KCNH6: variants seen among roughly 807,000 people sequenced by gnomAD.
KCNH6 encodes potassium voltage-gated channel subfamily H member 6.
KCNH6 carries 81 observed loss-of-function variants against 83.4 expected under a neutral mutation model. That is an observed-to-expected ratio of 0.97 (90% CI 0.81 to 1.17). The LOEUF (loss-of-function observed/expected upper bound fraction) is 1.17, where lower values mean the gene tolerates loss of function less well. Among genes scored for constraint, KCNH6 ranks in the 50% most tolerant of loss-of-function variants. The pLI, the probability that KCNH6 is intolerant of heterozygous loss-of-function variation, is 0.00. For missense variants in KCNH6, 1,203 were observed against 1,290.5 expected (o/e 0.93, Z 1.04); for synonymous variants, 503 against 545.6 (o/e 0.92, Z 1.09).
chr17:63,542,299 T>G lies in KCNH6; in HGVS notation c.2013T>G (p.Ser671Arg), dbSNP rs886626448. 1.9e-6 allele frequency: 3 copies of G among 1,614,058 alleles called. No homozygotes were observed. The highest frequency in any genetic ancestry group is 3.3e-5 in the Admixed American group (2 of 60,016). ...TCCATGCCCAGCCAGGCAAGTCCAGTGCAGACGTGCGGGCTCTGACCTACT... is the reference window on the plus strand; with the variant it reads ...TCCATGCCCAGCCAGGCAAGTCCAGGGCAGACGTGCGGGCTCTGACCTACT... ...VSLHAQPGKS[S>R]ADVRALTYCD... Residue 671 changes from serine (S) to arginine (R), a missense_variant, in exon 9 of 13, where the codon AGT (serine) becomes AGG (arginine). By Grantham distance (110) the Ser-to-Arg change is moderately radical. Coordinates refer to ENST00000314672, the MANE Select transcript of KCNH6 (RefSeq NM_001278919.2).
At chr17:63,540,472 A>G (rs1428975408) in intron 8 of KCNH6, among the ~76,000 whole-genome samples, 1 of 151,970 alleles carries the variant, frequency 6.6e-6, no homozygotes, top group Non-Finnish European at 1.5e-5. Flanking sequence ...GATGATTATT[A>G]TTATTAATAA....
rs140973215 is a variant in KCNH6 at position 63,536,990 on chromosome 17, A to T, written c.1501+922A>T. Reference sequence around the variant, plus strand: ...AAAAAAAAAAAAAGAATTTTTCGACAGTGACAGCAGAGTATTAAACCAAAT... The same window carrying T: ...AAAAAAAAAAAAAGAATTTTTCGACTGTGACAGCAGAGTATTAAACCAAAT... On this transcript the variant is annotated intron_variant, in intron 6 of 12. Transcript: ENST00000314672. Among the ~76,000 whole-genome samples the T allele has an allele frequency of 4.8e-3, 717 of 148,814 alleles. 5 individuals carry two copies. Among genetic ancestry groups the T allele is most frequent in the African/African-American group, 0.017 (672 of 40,340 alleles).
At position 63,539,541 on chromosome 17, in the gene KCNH6, T is replaced by C. The variant is rs527952811; in HGVS notation, c.1954+879T>C. On this transcript the variant is annotated intron_variant, in intron 8 of 12. Coordinates refer to ENST00000314672, the MANE Select transcript of KCNH6 (RefSeq NM_001278919.2). Reference sequence around the variant, plus strand: ...CTAGTATTCTATGAACAGATCAAACTCAATGTATCCCAACCTGAAATCACC... The same window carrying C: ...CTAGTATTCTATGAACAGATCAAACCCAATGTATCCCAACCTGAAATCACC... Among the ~76,000 whole-genome samples, 5 of 152,300 alleles carry C rather than the reference T, an allele frequency of 3.3e-5. No individual in the cohort carries two copies. The East Asian group carries it at 9.6e-4, about 29-fold the overall frequency.
intron 12 of KCNH6, 114 bp downstream of exon 12, chr17:63,545,378 C>T: frequency 8.5e-7 from 1 of 1,170,482 alleles, no homozygotes; most frequent in Non-Finnish European, 1.2e-6. Context: ...CCCAGAGCAG[C>T]CAGGGCTTCT....
At position 63,533,432 on chromosome 17, in the gene KCNH6, G is replaced by A. The variant is rs1317246869; in HGVS notation, c.676-454G>A. ...CCTCAGAAAGGAAGACATTCTTCTA[G>A]GGGTGACCTGTTCCCATCAGGAACC... On this transcript the variant is annotated intron_variant, in intron 4 of 12. Transcript: ENST00000314672. This position sits in a 1 kb window ranked among gnomAD's most constrained non-coding sequence, Gnocchi z 4.1. 4.6e-5 allele frequency among the ~76,000 whole-genome samples: 7 copies of A among 152,016 alleles called. No individual in the cohort carries two copies. The highest frequency in any genetic ancestry group is 1.0e-4 in the Non-Finnish European group (7 of 67,974).
chr17:63,538,469 A>G lies in KCNH6; in HGVS notation c.1761A>G (p.Ala587=). The change falls in exon 8 of 13, where the codon GCA becomes GCG. Residue 587 remains alanine, a synonymous_variant. Transcript: ENST00000314672. This position sits in a 1 kb window ranked among gnomAD's most constrained non-coding sequence, Gnocchi z 4.0. ...ACATCTGCCTGCACCTGCACCGCGC[A>G]CTGCTGCAGCACTGCCCAGCTTTCA... The part of the protein sequence containing the change: ...QADICLHLHR[A]LLQHCPAFSG... 2 of 1,604,632 alleles carry G rather than the reference A, an allele frequency of 1.2e-6. No homozygotes were observed. The highest frequency in any genetic ancestry group is 1.7e-6 in the Non-Finnish European group (2 of 1,176,168).
In KCNH6 at chr17:63,534,565, C is replaced by CTGGTAAGAGGAG. The variant is rs1192136827; in HGVS notation, c.1101+254_1101+255insTGGTAAGAGGAG. ...AGGCCCTGGTAAGAGGAGCAGGCTGCCCCTTCCAGGATGGGCACTCGTGTG... is the reference window on the plus strand; with the variant it reads ...AGGCCCTGGTAAGAGGAGCAGGCTGCTGGTAAGAGGAGCCCTTCCAGGATGGGCACTCGTGTG... On this transcript the variant is annotated intron_variant, in intron 5 of 12. Coordinates refer to ENST00000314672, the MANE Select transcript of KCNH6 (RefSeq NM_001278919.2). The surrounding 1 kb of genome is among the most constrained non-coding windows in gnomAD (Gnocchi z 5.0). Among the ~76,000 whole-genome samples the CTGGTAAGAGGAG allele has an allele frequency of 5.9e-5, 9 of 152,108 alleles. No individual in the cohort carries two copies. Among genetic ancestry groups the CTGGTAAGAGGAG allele is most frequent in the Non-Finnish European group, 8.8e-5 (6 of 68,006 alleles).
At chr17:63,543,766 G>C in intron 10 of KCNH6, 106 bp downstream of exon 10, 3 of 735,832 alleles carry the variant, frequency 4.1e-6, no homozygotes, top group East Asian at 5.0e-5. Flanking sequence ...CCCACTCCAT[G>C]AGTGGAGAGG....
At chr17:63,547,477 CGATTT>C (rs1167487423), downstream of KCNH6, among the ~76,000 whole-genome samples, 3 of 574 alleles carry the variant, frequency 5.2e-3, no homozygotes, top group Non-Finnish European at 0.011. Flanking sequence ...CAAATAGCAG[CGATTT>C]GAGAGCCACC....
At chr17:63,544,925 G>A (rs990834357) in intron 11 of KCNH6, among the ~76,000 whole-genome samples, 153 bp from the exon 12 acceptor site, 2 of 152,126 alleles carry the variant, frequency 1.3e-5, no homozygotes, top group East Asian at 3.8e-4. Context: ...ATTCTGGGCC[G>A]GGGCTGTGGA....
In KCNH6 at chr17:63,545,819, G is replaced by A; in HGVS notation, c.2794G>A (p.Glu932Lys). 6.2e-7 allele frequency: 1 copy of A among 1,614,072 alleles called. No individual in the cohort carries two copies. The highest frequency in any genetic ancestry group is 8.5e-7 in the Non-Finnish European group (1 of 1,180,010). Reference sequence around the variant, plus strand: ...TGGTCCCTGCTTCTCCTCCCTCCCTGAACACCTTGGCTCTGTTCCCAAGCA... The same window carrying A: ...TGGTCCCTGCTTCTCCTCCCTCCCTAAACACCTTGGCTCTGTTCCCAAGCA... The part of the protein sequence containing the change: ...ICGPCFSSLP[E>K]HLGSVPKQLD... The change falls in exon 13 of 13, where the codon GAA becomes AAA. Residue 932 changes from glutamate to lysine, a missense_variant. Glu to Lys is a moderately conservative substitution (Grantham distance 56). Coordinates refer to ENST00000314672, the MANE Select transcript of KCNH6 (RefSeq NM_001278919.2).
chr17:63,532,748 T>C (rs562845443), intron 4 of KCNH6, among the ~76,000 whole-genome samples: 149 of 152,242 alleles, frequency 9.8e-4, no homozygotes, highest in African/African-American at 3.3e-3. Context: ...ATCAGAACTA[T>C]CCACCAGATC....
In KCNH6 at chr17:63,534,198, G is replaced by A; in HGVS notation, c.988G>A (p.Val330Met). ...CACCTATGTCAACACCAATGATGAG[G>A]TGGTCAGCCACCCCCGCCGCATCGC... ...RTTYVNTNDE[V>M]VSHPRRIAVH... Residue 330 changes from valine to methionine, a missense_variant, in exon 5 of 13, where the codon GTG (valine) becomes ATG (methionine). Coordinates refer to ENST00000314672, the MANE Select transcript of KCNH6 (RefSeq NM_001278919.2). This position sits in a 1 kb window ranked among gnomAD's most constrained non-coding sequence, Gnocchi z 5.0. The A allele has an allele frequency of 6.2e-7, 1 of 1,614,000 alleles. No homozygotes were observed. Among genetic ancestry groups the A allele is most frequent in the South Asian group, 1.1e-5 (1 of 91,078 alleles).
In KCNH6 at chr17:63,523,538, C is replaced by A. The variant is rs758743712; in HGVS notation, c.76+49C>A. On this transcript the variant is annotated intron_variant, in intron 1 of 12. Coordinates refer to ENST00000314672, the MANE Select transcript of KCNH6 (RefSeq NM_001278919.2). The surrounding 1 kb of genome is among the most constrained non-coding windows in gnomAD (Gnocchi z 4.2). The stretch of plus-strand genomic sequence containing the variant: ...GGGGGACGATCTGGAGTCCTGGTTC[C>A]GTGAAAGGGGGGGCTGGACCCCTTT... 1.3e-6 allele frequency: 2 copies of A among 1,535,808 alleles called. No homozygotes were observed. Among genetic ancestry groups the A allele is most frequent in the Non-Finnish European group, 1.8e-6 (2 of 1,127,088 alleles).
In KCNH6 at chr17:63,533,016, C is replaced by A. The variant is rs2032224737; in HGVS notation, c.676-870C>A. 6.6e-6 allele frequency among the ~76,000 whole-genome samples: 1 copy of A among 152,166 alleles called. No homozygotes were observed. Among genetic ancestry groups the A allele is most frequent in the African/African-American group, 2.4e-5 (1 of 41,422 alleles). On this transcript the variant is annotated intron_variant, in intron 4 of 12. Coordinates refer to ENST00000314672, the MANE Select transcript of KCNH6 (RefSeq NM_001278919.2). The surrounding 1 kb of genome is among the most constrained non-coding windows in gnomAD (Gnocchi z 4.1). ...AGGGAACTGAGGCTCACAGAGGTTA[C>A]AAAACTTGCCCAAGGCTCACCTATA... is the stretch of plus-strand genomic sequence containing the variant.
At position 63,536,117 on chromosome 17, in the gene KCNH6, C is replaced by A. The variant is rs368368897; in HGVS notation, c.1501+49C>A. On this transcript the variant is annotated intron_variant, in intron 6 of 12. Transcript: ENST00000314672. ...CCTAACTTCATGCTCTGGTCTTACC[C>A]GTGAAATTTTATGTGTAGTTTTGTA... 2.3e-5 allele frequency: 36 copies of A among 1,547,080 alleles called. 1 individual carries two copies. The East Asian group carries it at 5.4e-4, about 23-fold the overall frequency.
rs1225849748 is a variant in KCNH6, at chr17:63,523,788, TC to T, written c.76+301del. 5.3e-5 allele frequency among the ~76,000 whole-genome samples: 8 copies of T among 152,142 alleles called. No homozygotes were observed. ...CTTCCAGCCACTGCCTGCCCCCTCA[TC>T]CGCGTCCTCCAGAGGCTTCTCTGAG... On this transcript the variant is annotated intron_variant, in intron 1 of 12. Transcript: ENST00000314672. This position sits in a 1 kb window ranked among gnomAD's most constrained non-coding sequence, Gnocchi z 4.2.
At chr17:63,536,115 C>T in intron 6 of KCNH6, 47 bp downstream of exon 6, 3 of 1,556,822 alleles carry the variant, frequency 1.9e-6, no homozygotes, top group Non-Finnish European at 1.8e-6. Context: ...TCTGGTCTTA[C>T]CCGTGAAATT....
At chr17:63,527,340 A>G (rs369060526) in intron 2 of KCNH6, among the ~76,000 whole-genome samples, 4 of 152,168 alleles carry the variant, frequency 2.6e-5, no homozygotes, top group Non-Finnish European at 4.4e-5. Flanking sequence ...TTTTTGTAGC[A>G]CCAGCCTCTC....
Sources: gnomAD v4.1 joint callset for allele counts (sites outside exome capture counted in the v4.1 genomes callset) on GRCh38, gnomAD v4.1.1 for gene constraint, Gnocchi (gnomAD v3.1) non-coding constraint, MANE v1.5 for transcripts, NCBI Gene and HGNC (gene_info 2026-07-23, HGNC 2026-07-21) for gene names.